The following CTNNA3 variants were observed in gnomAD, a reference collection of about 807,000 sequenced individuals.
CTNNA3 encodes catenin alpha 3.
In CTNNA3, 76 loss-of-function variants were observed where a neutral mutation model predicts 95.7. The observed-to-expected ratio is 0.79, with a 90% CI of 0.66 to 0.96. The LOEUF (loss-of-function observed/expected upper bound fraction) is 0.96. CTNNA3 is among the 40% of genes least tolerant of loss of function. The pLI, the probability that CTNNA3 is intolerant of heterozygous loss-of-function variation, is 0.00. For missense variants in CTNNA3, 1,191 were observed against 1,089.8 expected (o/e 1.09, Z -1.31); for synonymous variants, 431 against 374.4 (o/e 1.15, Z -1.74).
At chr10:66,231,370 A>T (rs1002942202) in intron 13 of CTNNA3, among the ~76,000 whole-genome samples, 5 of 152,194 alleles carry the variant, frequency 3.3e-5, no homozygotes, top group African/African-American at 1.2e-4. Context: ...TAGAAAAAAA[A>T]ATCATAAGAT....
Position 67,394,962 on chromosome 10 carries a change from C to A in CTNNA3, c.579+126880G>T, listed in dbSNP as rs112212075. Among the ~76,000 whole-genome samples, 122 of 152,112 alleles carry A rather than the reference C, an allele frequency of 8.0e-4. 1 individual carries two copies. Among genetic ancestry groups the A allele is most frequent in the African/African-American group, 2.8e-3 (118 of 41,524 alleles). On this transcript the variant is annotated intron_variant, in intron 5 of 17. Transcript: ENST00000433211. ...ATGATATACTACATCAGTTATTCAC[C>A]ATCAACAAAAAGAAACATTGAAAGC...
chr10:66,274,760 C>G (rs140856044), intron 13 of CTNNA3, among the ~76,000 whole-genome samples: 1 of 151,988 alleles, frequency 6.6e-6, no homozygotes, highest in African/African-American at 2.4e-5. Context: ...CTCAAATGAT[C>G]GGTTTTCATA....
chr10:66,100,247 C>A (rs2081565182), intron 14 of CTNNA3, among the ~76,000 whole-genome samples: 1 of 152,048 alleles, frequency 6.6e-6, no homozygotes, highest in African/African-American at 2.4e-5. Context: ...TCCAAATTGT[C>A]CATCTTAGAA....
At chr10:66,429,339 T>A (rs956061834) in intron 11 of CTNNA3, among the ~76,000 whole-genome samples, 3 of 152,176 alleles carry the variant, frequency 2.0e-5, no homozygotes, top group Admixed American at 1.3e-4. Flanking sequence ...GAGGAGCTGG[T>A]ATCATTCCTT....
intron 1 of CTNNA3, among the ~76,000 whole-genome samples, chr10:67,654,509 C>G (rs933296869): frequency 2.1e-4 from 30 of 144,032 alleles, no homozygotes; most frequent in Non-Finnish European, 4.1e-4. Context: ...TTTTTGGAGG[C>G]AGGGTCACTC....
At chr10:67,739,019 C>T (rs1016922316) in intron 1 of CTNNA3, among the ~76,000 whole-genome samples, 3 of 152,146 alleles carry the variant, frequency 2.0e-5, no homozygotes, top group Non-Finnish European at 4.4e-5. Context: ...AAACACTCTG[C>T]AGGATATTAT....
intron 11 of CTNNA3, among the ~76,000 whole-genome samples, chr10:66,452,643 T>G (rs937449926): frequency 6.6e-6 from 1 of 152,194 alleles, no homozygotes; most frequent in Non-Finnish European, 1.5e-5. Context: ...TCAGAAATCA[T>G]GCAGCCAGAG....
chr10:66,954,629 T>G (rs1050900279), intron 7 of CTNNA3, among the ~76,000 whole-genome samples: 1 of 152,192 alleles, frequency 6.6e-6, no homozygotes, highest in Non-Finnish European at 1.5e-5. Flanking sequence ...AAAATGAGGT[T>G]TAAAGTCCAT....
At chr10:67,173,623 C>T (rs182084774) in intron 7 of CTNNA3, among the ~76,000 whole-genome samples, 9 of 152,244 alleles carry the variant, frequency 5.9e-5, no homozygotes, top group Non-Finnish European at 4.4e-5. Context: ...CAGCTCCCAC[C>T]TAGGAACTCT....
intron 6 of CTNNA3, among the ~76,000 whole-genome samples, chr10:67,189,012 G>C (rs1476403131): frequency 2.6e-5 from 4 of 152,182 alleles, no homozygotes; most frequent in Admixed American, 2.6e-4. Context: ...AGCTACTCGG[G>C]AGACTGAGGT....
At chr10:66,114,128 T>A (rs1367207726) in intron 13 of CTNNA3, among the ~76,000 whole-genome samples, 3 of 152,192 alleles carry the variant, frequency 2.0e-5, no homozygotes, top group Non-Finnish European at 4.4e-5. Context: ...CAATTTATTT[T>A]AGTGAGGAAA....
At chr10:66,664,596 C>T (rs1004071669) in intron 9 of CTNNA3, among the ~76,000 whole-genome samples, 1 of 151,904 alleles carries the variant, frequency 6.6e-6, no homozygotes, top group Non-Finnish European at 1.5e-5. Context: ...CTACGACAAG[C>T]CTGAAATCTA....
chr10:67,460,331 G>A (rs1847326952), intron 5 of CTNNA3, among the ~76,000 whole-genome samples: 1 of 152,146 alleles, frequency 6.6e-6, no homozygotes, highest in Admixed American at 6.5e-5. Flanking sequence ...TTGTGTAACT[G>A]ACTAATACTG....
intron 13 of CTNNA3, among the ~76,000 whole-genome samples, chr10:66,183,654 A>T (rs2086169442): frequency 6.6e-6 from 1 of 152,240 alleles, no homozygotes; most frequent in Admixed American, 6.5e-5. Context: ...TTCTTGATTT[A>T]CAAATGCAGC....
chr10:67,529,693 T>A (rs1165106261), intron 4 of CTNNA3, among the ~76,000 whole-genome samples: 1 of 151,838 alleles, frequency 6.6e-6, no homozygotes, highest in Admixed American at 6.6e-5. Flanking sequence ...TTAAAAAATA[T>A]ACGTTTGAAA....
Position 67,245,889 on chromosome 10 carries a change from A to C in CTNNA3, c.580-26019T>G, listed in dbSNP as rs142800440. 6.0e-3 allele frequency among the ~76,000 whole-genome samples: 906 copies of C among 151,178 alleles called. 11 individuals carry two copies. The highest frequency in any genetic ancestry group is 0.021 in the African/African-American group (862 of 41,156). ...AAAAAAAAAAACCAGAGAATTATCT[A>C]GTTACAACAGGGAAGACAGATAAAG... On this transcript the variant is annotated intron_variant, in intron 5 of 17. Coordinates refer to ENST00000433211, the MANE Select transcript of CTNNA3 (RefSeq NM_013266.4).
chr10:66,707,137 CTTCT>C (rs1158097276), intron 9 of CTNNA3, among the ~76,000 whole-genome samples: 1 of 151,794 alleles, frequency 6.6e-6, no homozygotes, highest in Admixed American at 6.6e-5. Context: ...TTAAAAATTC[CTTCT>C]TTATTTTAGA....
chr10:67,212,829 A>G (rs1326257653), intron 6 of CTNNA3, among the ~76,000 whole-genome samples: 1 of 151,878 alleles, frequency 6.6e-6, no homozygotes, highest in Non-Finnish European at 1.5e-5. Context: ...ATCTAGTGCT[A>G]AACAGTTTAT....
intron 5 of CTNNA3, among the ~76,000 whole-genome samples, chr10:67,233,599 G>T (rs1865322186): frequency 6.9e-6 from 1 of 144,028 alleles, no homozygotes; most frequent in African/African-American, 2.6e-5. Flanking sequence ...ACAATTAAAA[G>T]AACTAGAAAA....
Sources: gnomAD v4.1 joint callset for allele counts (sites outside exome capture counted in the v4.1 genomes callset) on GRCh38, gnomAD v4.1.1 for gene constraint, MANE v1.5 for transcripts, NCBI Gene and HGNC (gene_info 2026-07-23, HGNC 2026-07-21) for gene names.